Variants in PTPRZ1 observed in about 807,000 individuals in gnomAD.
PTPRZ1 encodes the protein receptor-type tyrosine-protein phosphatase zeta.
Under a neutral mutation model 214.1 loss-of-function variants are expected in PTPRZ1, and 82 were observed. That is an observed-to-expected ratio of 0.38 (90% CI 0.32 to 0.46). The LOEUF is 0.46. Among genes scored for constraint, PTPRZ1 ranks in the 20% least tolerant of loss-of-function variants. The pLI, the probability that PTPRZ1 is intolerant of heterozygous loss-of-function variation, is 1.00. For synonymous variants in PTPRZ1, 945 were observed against 987.9 expected, an observed-to-expected ratio of 0.96 and a Z score of 0.81; for missense variants, 2,603 against 2,748.7, an observed-to-expected ratio of 0.95 and a Z score of 1.19.
chr7:122,048,302 C>A (rs1291633019), intron 23 of PTPRZ1, among the ~76,000 whole-genome samples: 3 of 151,714 alleles, frequency 2.0e-5, no homozygotes, highest in African/African-American at 7.3e-5. Context: ...TTAAAATAGA[C>A]AAACCTGTGT....
rs556635158 is a variant in PTPRZ1 at position 122,001,293 on chromosome 7, G to C, written c.1240+3287G>C. Among the ~76,000 whole-genome samples the C allele has an allele frequency of 3.7e-4, 56 of 152,162 alleles. 1 individual carries two copies. The highest frequency in any genetic ancestry group is 1.3e-3 in the African/African-American group (54 of 41,512). ...TAAAAGACTTCTTAGTTACATTTATGAATAAATAATTTCATAAATATATTT... is the reference window on the plus strand; with the variant it reads ...TAAAAGACTTCTTAGTTACATTTATCAATAAATAATTTCATAAATATATTT... On this transcript the variant is annotated intron_variant, in intron 10 of 29. Transcript: ENST00000393386.
At chr7:121,955,517 A>G (rs1486813360) in intron 2 of PTPRZ1, among the ~76,000 whole-genome samples, 1 of 152,168 alleles carries the variant, frequency 6.6e-6, no homozygotes, top group African/African-American at 2.4e-5. Flanking sequence ...CAACAAAGGA[A>G]AGAAATCTCA....
At chr7:121,921,639 C>T (rs762111373) in intron 1 of PTPRZ1, among the ~76,000 whole-genome samples, 1 of 151,962 alleles carries the variant, frequency 6.6e-6, no homozygotes. Context: ...TTAAAATATC[C>T]TCTTATTTTG....
intron 27 of PTPRZ1, among the ~76,000 whole-genome samples, chr7:122,057,054 C>G (rs963489907): frequency 6.6e-6 from 1 of 151,750 alleles, no homozygotes; most frequent in African/African-American, 2.4e-5. Flanking sequence ...TGTGTTTTGT[C>G]TTGGTTTGAT....
intron 1 of PTPRZ1, among the ~76,000 whole-genome samples, chr7:121,879,814 C>G (rs762422572): frequency 6.6e-6 from 1 of 151,722 alleles, no homozygotes; most frequent in Non-Finnish European, 1.5e-5. Context: ...TCCTTCCTTC[C>G]CCTTTCCTCC....
chr7:121,911,739 T>C (rs960858294), intron 1 of PTPRZ1, among the ~76,000 whole-genome samples: 7 of 150,680 alleles, frequency 4.6e-5, no homozygotes, highest in Non-Finnish European at 7.4e-5. Context: ...ATCTATCACA[T>C]ATCATATAAG....
chr7:122,004,478 T>C, intron 10 of PTPRZ1, 136 bp from the exon 11 acceptor site: 1 of 562,900 alleles, frequency 1.8e-6, no homozygotes, highest in South Asian at 1.8e-5. Flanking sequence ...ATTTTTATTG[T>C]GAGAAAGTCT....
chr7:122,019,856 A>G (rs2116686103), intron 13 of PTPRZ1, among the ~76,000 whole-genome samples: 1 of 152,306 alleles, frequency 6.6e-6, no homozygotes, highest in South Asian at 2.1e-4. Flanking sequence ...TAAGTCCCTA[A>G]AGACAAGAAT....
At chr7:121,998,332 A>T (rs1306097748) in intron 10 of PTPRZ1, among the ~76,000 whole-genome samples, 1 of 152,148 alleles carries the variant, frequency 6.6e-6, no homozygotes, top group Non-Finnish European at 1.5e-5. Flanking sequence ...GATAATTAAG[A>T]GTTGGTTTAA....
At chr7:121,925,326 A>G (rs1366750997) in intron 1 of PTPRZ1, among the ~76,000 whole-genome samples, 1 of 152,234 alleles carries the variant, frequency 6.6e-6, no homozygotes, top group African/African-American at 2.4e-5. Flanking sequence ...TTAAATAACT[A>G]GCATTTTATG....
chr7:121,995,860 A>G (rs187799125), intron 8 of PTPRZ1, among the ~76,000 whole-genome samples: 207 of 152,306 alleles, frequency 1.4e-3, no homozygotes, highest in African/African-American at 4.9e-3. Flanking sequence ...ATTTTCAGGT[A>G]CCAAACAAGA....
chr7:121,968,804 C>A (rs569881134), intron 3 of PTPRZ1, among the ~76,000 whole-genome samples: 1 of 151,674 alleles, frequency 6.6e-6, no homozygotes, highest in African/African-American at 2.4e-5. Context: ...CAAATATACA[C>A]GTAAGACAAA....
intron 11 of PTPRZ1, 142 bp from the exon 12 acceptor site, chr7:122,010,192 G>A (rs1562859094): frequency 5.3e-6 from 4 of 752,270 alleles, no homozygotes; most frequent in Non-Finnish European, 8.4e-6. Flanking sequence ...GTAGGTTAGA[G>A]GTATGCATTG....
At chr7:121,977,587 C>T (rs1797480865) in intron 6 of PTPRZ1, among the ~76,000 whole-genome samples, 1 of 152,064 alleles carries the variant, frequency 6.6e-6, no homozygotes, top group Non-Finnish European at 1.5e-5. Context: ...CATGTAGATC[C>T]TTTTCTTGAA....
chr7:121,877,062 A>T (rs971342322), intron 1 of PTPRZ1, among the ~76,000 whole-genome samples: 3 of 152,214 alleles, frequency 2.0e-5, no homozygotes, highest in African/African-American at 4.8e-5. Context: ...AATTAAGAAG[A>T]TGAGCCTGTG....
chr7:121,895,128 A>G (rs115237437), intron 1 of PTPRZ1, among the ~76,000 whole-genome samples: 4,461 of 152,238 alleles, frequency 0.029, 217 homozygotes, highest in African/African-American at 0.1. Context: ...AAAAGGGTAT[A>G]TTATTTCTTT....
Position 122,061,150 on chromosome 7 carries a change from C to T in PTPRZ1, c.6878C>T (p.Thr2293Ile). The T allele has an allele frequency of 6.2e-7, 1 of 1,609,720 alleles. No individual in the cohort carries two copies. The highest frequency in any genetic ancestry group is 8.5e-7 in the Non-Finnish European group (1 of 1,177,084). Residue 2293 changes from threonine to isoleucine, a missense_variant, in exon 30 of 30, where the codon ACC (threonine) becomes ATC (isoleucine). Transcript: ENST00000393386. ...VSTRQEENPS[T>I]SLDSNGAALP... ...ACAAGGCAGGAAGAGAATCCATCCA[C>T]CTCTCTGGACAGTAATGGTGCAGCA...
At chr7:122,046,781 A>G (rs1384787607) in intron 23 of PTPRZ1, among the ~76,000 whole-genome samples, 3 of 152,168 alleles carry the variant, frequency 2.0e-5, no homozygotes, top group African/African-American at 7.2e-5. Flanking sequence ...GTCCCAATAA[A>G]CATGTATATT....
intron 8 of PTPRZ1, among the ~76,000 whole-genome samples, chr7:121,985,346 A>G (rs1233142402): frequency 1.3e-5 from 2 of 152,202 alleles, no homozygotes; most frequent in East Asian, 1.9e-4. Context: ...TTAAATAAAT[A>G]TGATTTTTTT....
Sources: gnomAD v4.1 joint callset for allele counts (sites outside exome capture counted in the v4.1 genomes callset) on GRCh38, gnomAD v4.1.1 for gene constraint, MANE v1.5 for transcripts, NCBI Gene and HGNC (gene_info 2026-07-23, HGNC 2026-07-21) for gene names.